Variants in KCNIP4 observed in about 807,000 individuals in gnomAD.
The protein encoded by KCNIP4 is potassium voltage-gated channel interacting protein 4.
In KCNIP4, 12 loss-of-function variants were observed where a neutral mutation model predicts 34.0. That is an observed-to-expected ratio of 0.35 (90% confidence interval 0.23 to 0.57). KCNIP4 has a LOEUF of 0.57. Among genes scored for constraint, KCNIP4 ranks in the 20% least tolerant of loss-of-function variants. The probability of loss-of-function intolerance (pLI) is 0.83; values close to 1 mark genes in which losing one functional copy is unlikely to be tolerated. For synonymous variants in KCNIP4, 124 were observed against 102.2 expected, an observed-to-expected ratio of 1.21 and a Z score of -1.29; for missense variants, 238 against 311.7, an observed-to-expected ratio of 0.76 and a Z score of 1.78.
chr4:20,981,430 G>A (rs1301685483), intron 1 of KCNIP4, among the ~76,000 whole-genome samples: 1 of 152,154 alleles, frequency 6.6e-6, no homozygotes, highest in Non-Finnish European at 1.5e-5. Flanking sequence ...TTCAGGAAAA[G>A]ACTCAAGAAT....
intron 1 of KCNIP4, among the ~76,000 whole-genome samples, chr4:21,516,457 G>A (rs1313301703): frequency 6.6e-6 from 1 of 152,164 alleles, no homozygotes; most frequent in African/African-American, 2.4e-5. Context: ...GAGAAGTACA[G>A]GAGAGACAAG....
At chr4:21,939,748 T>C (rs1730090605) in intron 1 of KCNIP4, among the ~76,000 whole-genome samples, 1 of 152,134 alleles carries the variant, frequency 6.6e-6, no homozygotes, top group South Asian at 2.1e-4. Context: ...CATCTTCAAA[T>C]TAAAGGGAGT....
At chr4:21,102,879 A>T (rs1355172919) in intron 1 of KCNIP4, among the ~76,000 whole-genome samples, 1 of 152,094 alleles carries the variant, frequency 6.6e-6, no homozygotes, top group African/African-American at 2.4e-5. Context: ...TTCTAATTTC[A>T]CTTTGTTTCC....
intron 1 of KCNIP4, among the ~76,000 whole-genome samples, chr4:21,211,910 T>A (rs1757248655): frequency 1.3e-5 from 2 of 151,044 alleles, no homozygotes; most frequent in South Asian, 2.1e-4. Flanking sequence ...GCATTGGAGA[T>A]CTTTTCTTTC....
At chr4:20,998,506 T>A (rs1372402566) in intron 1 of KCNIP4, among the ~76,000 whole-genome samples, 2 of 152,196 alleles carry the variant, frequency 1.3e-5, no homozygotes, top group Non-Finnish European at 2.9e-5. Flanking sequence ...AAGGGAAAAC[T>A]TCCATAAGGC....
intron 1 of KCNIP4, among the ~76,000 whole-genome samples, chr4:21,819,651 A>C (rs1012261396): frequency 6.6e-6 from 1 of 152,178 alleles, no homozygotes. Flanking sequence ...TGAAGGAAAT[A>C]ATGATTTTTA....
rs560302607 is a variant in KCNIP4, at chr4:21,389,000, T to C, written c.62-506291A>G. Reference sequence around the variant, plus strand: ...TATATTGTCTTGTTTTTTTTTTTTCTTTGAGACAGAATCTCACTCTGTTAC... The same window carrying C: ...TATATTGTCTTGTTTTTTTTTTTTCCTTGAGACAGAATCTCACTCTGTTAC... On this transcript the variant is annotated intron_variant, in intron 1 of 8. Transcript: ENST00000382152. Among the ~76,000 whole-genome samples the C allele has an allele frequency of 7.2e-3, 1,048 of 145,286 alleles. 5 individuals are homozygous for C. Among genetic ancestry groups the C allele is most frequent in the Middle Eastern group, 0.043 (12 of 278 alleles).
At chr4:21,442,605 T>C (rs532035313) in intron 1 of KCNIP4, among the ~76,000 whole-genome samples, 24 of 152,332 alleles carry the variant, frequency 1.6e-4, no homozygotes, top group African/African-American at 5.5e-4. Flanking sequence ...TGTTGCTTCT[T>C]TAGCTTCTAG....
intron 1 of KCNIP4, among the ~76,000 whole-genome samples, chr4:21,607,048 G>A (rs1392034959): frequency 6.7e-6 from 1 of 149,006 alleles, no homozygotes; most frequent in Non-Finnish European, 1.5e-5. Flanking sequence ...TTTTTATAAT[G>A]TAGCAAAATA....
rs1716561904 is a variant in KCNIP4 at position 21,743,444 on chromosome 4, C to CAAG, written c.61+205126_61+205127insCTT. On this transcript the variant is annotated intron_variant, in intron 1 of 8. Coordinates refer to ENST00000382152, the MANE Select transcript of KCNIP4 (RefSeq NM_025221.6). ...TAACTTATAGAGAATCTTGTGATTA[C>CAAG]ATCAGGCTCACCCAGGAAGTATGGA... is the stretch of plus-strand genomic sequence containing the variant. Among the ~76,000 whole-genome samples, 3 of 150,294 alleles carry CAAG rather than the reference C, an allele frequency of 2.0e-5. No individual in the cohort carries two copies. In the South Asian group the frequency reaches 6.3e-4, roughly 32 times the overall value.
Position 20,971,529 on chromosome 4 carries a change from C to T in KCNIP4, c.62-88820G>A, listed in dbSNP as rs28526713. Among the ~76,000 whole-genome samples the T allele has an allele frequency of 8.3e-3, 1,267 of 152,032 alleles. 18 individuals are homozygous for T. The highest frequency in any genetic ancestry group is 0.029 in the African/African-American group (1,198 of 41,436). On this transcript the variant is annotated intron_variant, in intron 1 of 8. Transcript: ENST00000382152. ...ATAAATGTTTACACAATACTGTAGT[C>T]TATTAAGTGTGCAATAGCATTATGT... is the stretch of plus-strand genomic sequence containing the variant.
intron 1 of KCNIP4, among the ~76,000 whole-genome samples, chr4:21,564,924 T>C (rs753136300): frequency 6.6e-5 from 10 of 152,098 alleles, no homozygotes; most frequent in Non-Finnish European, 1.3e-4. Flanking sequence ...CACCAAGCTT[T>C]TCAGGAGGGA....
intron 3 of KCNIP4, among the ~76,000 whole-genome samples, chr4:20,796,493 G>A (rs1291661128): frequency 2.0e-5 from 3 of 151,998 alleles, no homozygotes; most frequent in African/African-American, 7.3e-5. Flanking sequence ...GGTGCTGAGG[G>A]ATCATATAGG....
At chr4:21,372,616 G>A (rs937834853) in intron 1 of KCNIP4, among the ~76,000 whole-genome samples, 1 of 146,958 alleles carries the variant, frequency 6.8e-6, no homozygotes, top group Non-Finnish European at 1.5e-5. Flanking sequence ...GTGAACGTGA[G>A]AAAAATCACT....
rs565976841 is a variant in KCNIP4, at chr4:21,212,919, TAGCACA to T, written c.62-330216_62-330211del. Among the ~76,000 whole-genome samples the T allele has an allele frequency of 2.7e-3, 410 of 150,740 alleles. 1 individual carries two copies. The highest frequency in any genetic ancestry group is 7.4e-3 in the African/African-American group (306 of 41,502). On this transcript the variant is annotated intron_variant, in intron 1 of 8. Transcript: ENST00000382152. ...TATGTGTAAGGCATAGATATGCATA[TAGCACA>T]TAAACAAATATACAGTATACATGGG... is the stretch of plus-strand genomic sequence containing the variant.
Position 21,400,465 on chromosome 4 carries a change from T to TTCCTCTCCTC in KCNIP4, c.62-517766_62-517757dup, listed in dbSNP as rs71189700. 2.0e-3 allele frequency among the ~76,000 whole-genome samples: 239 copies of TTCCTCTCCTC among 117,996 alleles called. 13 individuals are homozygous for TTCCTCTCCTC. Among genetic ancestry groups the TTCCTCTCCTC allele is most frequent in the African/African-American group, 4.0e-3 (110 of 27,804 alleles). 77.4% of individuals were successfully genotyped at this position (117,996 alleles called of 152,430 possible). A position where few individuals can be genotyped will look rare whatever the true frequency, so the allele number is the denominator to read the frequency against. On this transcript the variant is annotated intron_variant, in intron 1 of 8. Transcript: ENST00000382152. ...TTGCCATTTCCTATTTTTCTTTCTG[T>TTCCTCTCCTC]TCCTCTCCTCTCCTCTCCTCTCCTC...
intron 1 of KCNIP4, among the ~76,000 whole-genome samples, chr4:21,071,397 T>C (rs565124171): frequency 3.9e-4 from 59 of 152,092 alleles, no homozygotes; most frequent in Non-Finnish European, 7.5e-4. Flanking sequence ...TGACCAAAGG[T>C]GGTTGGGCAA....
At chr4:21,242,023 G>A (rs2109052503) in intron 1 of KCNIP4, among the ~76,000 whole-genome samples, 1 of 151,988 alleles carries the variant, frequency 6.6e-6, no homozygotes, top group African/African-American at 2.4e-5. Context: ...AATTAGCCAG[G>A]CGTGGTGGTG....
chr4:20,747,378 A>G (rs1012388033), intron 5 of KCNIP4, among the ~76,000 whole-genome samples: 1 of 152,212 alleles, frequency 6.6e-6, no homozygotes, highest in African/African-American at 2.4e-5. Flanking sequence ...TTTGGCTTCT[A>G]TATTATAGAT....
Sources: gnomAD v4.1 joint callset for allele counts (sites outside exome capture counted in the v4.1 genomes callset) on GRCh38, gnomAD v4.1.1 for gene constraint, MANE v1.5 for transcripts, NCBI Gene and HGNC (gene_info 2026-07-23, HGNC 2026-07-21) for gene names.